NAV3: variants seen among roughly 807,000 people sequenced by gnomAD.
NAV3 encodes the protein neuron navigator 3.
NAV3 carries 87 observed loss-of-function variants against 244.7 expected under a neutral mutation model. The ratio of observed to expected loss-of-function variants is 0.36; its 90% CI spans 0.30 to 0.42. NAV3 has a LOEUF of 0.42. Ranked by LOEUF, NAV3 falls within the 20% of genes least tolerant of loss-of-function variation. The pLI is 1.00. For synonymous variants in NAV3, 1,126 were observed against 1,042.2 expected (o/e 1.08, Z -1.55); for missense variants, 2,663 against 2,893.3 (o/e 0.92, Z 1.83).
At chr12:77,777,891 C>T (rs547592081) in intron 2 of NAV3, among the ~76,000 whole-genome samples, 91 of 151,728 alleles carry the variant, frequency 6.0e-4, no homozygotes, top group Middle Eastern at 3.4e-3. Flanking sequence ...CTGCAACCTC[C>T]GCCTCCCAGG....
chr12:77,784,339 A>G (rs1429862618), intron 2 of NAV3, among the ~76,000 whole-genome samples: 2 of 152,192 alleles, frequency 1.3e-5, no homozygotes, highest in African/African-American at 4.8e-5. Context: ...GACTTCCATG[A>G]TATCTTTAAG....
chr12:77,961,482 T>G (rs1426831050), intron 3 of NAV3, among the ~76,000 whole-genome samples: 2 of 123,894 alleles, frequency 1.6e-5, no homozygotes, highest in Non-Finnish European at 3.2e-5. Flanking sequence ...ATCTATTACA[T>G]GTATGAGACA....
At chr12:78,156,092 T>C (rs1957294010) in intron 22 of NAV3, among the ~76,000 whole-genome samples, 1 of 152,164 alleles carries the variant, frequency 6.6e-6, no homozygotes, top group Non-Finnish European at 1.5e-5. Flanking sequence ...TGAATAATAT[T>C]GCCCAGATTT....
chr12:78,204,500 C>T (rs554861403), intron 38 of NAV3, among the ~76,000 whole-genome samples: 1 of 152,052 alleles, frequency 6.6e-6, no homozygotes, highest in Non-Finnish European at 1.5e-5. Flanking sequence ...AAATAAGTTA[C>T]TTTTATTTTA....
At chr12:77,762,942 T>C (rs1452086294) in intron 2 of NAV3, among the ~76,000 whole-genome samples, 5 of 152,230 alleles carry the variant, frequency 3.3e-5, no homozygotes, top group Admixed American at 6.5e-5. Context: ...TAATCACACA[T>C]GGATAACTTA....
chr12:78,129,140 GAAA>G lies in NAV3; in HGVS notation c.4441+277_4441+279del, dbSNP rs142164448. Among the ~76,000 whole-genome samples the G allele has an allele frequency of 7.0e-3, 1,061 of 152,232 alleles. 12 individuals are homozygous for G. The highest frequency in any genetic ancestry group is 0.024 in the African/African-American group (987 of 41,528). ...GAGGCTCAGAAAGTTCACTTGACTT[GAAA>G]AAGTCTTACCATTACTAAGGGTTCA... On this transcript the variant is annotated intron_variant, in intron 18 of 39. Transcript: ENST00000397909.
intron 6 of NAV3, among the ~76,000 whole-genome samples, chr12:77,996,613 G>A (rs1044599710): frequency 6.6e-6 from 1 of 151,744 alleles, no homozygotes; most frequent in Non-Finnish European, 1.5e-5. Flanking sequence ...TATTATAAAA[G>A]CACTTATATT....
chr12:78,192,251 C>A (rs1382868442), intron 34 of NAV3, among the ~76,000 whole-genome samples: 1 of 151,898 alleles, frequency 6.6e-6, no homozygotes, highest in Non-Finnish European at 1.5e-5. Flanking sequence ...AGAGTACAGG[C>A]TATTTGTGCC....
chr12:78,053,561 T>G (rs1883075631), intron 11 of NAV3, among the ~76,000 whole-genome samples: 1 of 152,164 alleles, frequency 6.6e-6, no homozygotes, highest in African/African-American at 2.4e-5. Context: ...GAAGCTTATC[T>G]AGTGCATATT....
chr12:77,827,512 T>C (rs1323647458), upstream of NAV3, among the ~76,000 whole-genome samples: 1 of 152,190 alleles, frequency 6.6e-6, no homozygotes, highest in Non-Finnish European at 1.5e-5. Context: ...AGAAGGTATT[T>C]CAAAGGTCAT....
intron 12 of NAV3, among the ~76,000 whole-genome samples, chr12:78,115,903 T>C (rs1955354337): frequency 6.6e-6 from 1 of 152,224 alleles, no homozygotes. Flanking sequence ...TCTCAAAACA[T>C]GTCCCTGTCA....
intron 2 of NAV3, among the ~76,000 whole-genome samples, chr12:77,726,361 A>C (rs1021673576): frequency 5.3e-5 from 8 of 151,938 alleles, no homozygotes; most frequent in Admixed American, 5.3e-4. Context: ...CACTTAACTT[A>C]TTTAAAAATA....
At chr12:77,911,496 A>C (rs1886584334) in intron 1 of NAV3, among the ~76,000 whole-genome samples, 2 of 152,128 alleles carry the variant, frequency 1.3e-5, no homozygotes. Context: ...GTTTATTGTC[A>C]ATGCAAGAAT....
chr12:78,010,091 A>T (rs1444251208), intron 8 of NAV3, among the ~76,000 whole-genome samples: 2 of 152,178 alleles, frequency 1.3e-5, no homozygotes, highest in Non-Finnish European at 2.9e-5. Flanking sequence ...AAAATTTCAC[A>T]TTGAAGTCTA....
At chr12:77,705,176 T>C (rs11832041) in intron 2 of NAV3, among the ~76,000 whole-genome samples, 3,739 of 152,170 alleles carry the variant, frequency 0.025, 90 homozygotes, top group African/African-American at 0.06. Flanking sequence ...CCCAGCACTT[T>C]GGGAGGCCAA....
At chr12:78,024,590 G>C (rs1382219988) in intron 9 of NAV3, among the ~76,000 whole-genome samples, 2 of 152,184 alleles carry the variant, frequency 1.3e-5, no homozygotes, top group African/African-American at 4.8e-5. Flanking sequence ...CTTTTACTTA[G>C]ATTACTCTCT....
At chr12:77,819,809 G>A (rs1352640312) in intron 2 of NAV3, among the ~76,000 whole-genome samples, 2 of 151,948 alleles carry the variant, frequency 1.3e-5, no homozygotes, top group Non-Finnish European at 2.9e-5. Flanking sequence ...CAATTCTCAT[G>A]GTCCACACAT....
At position 78,183,038 on chromosome 12, in the gene NAV3, C is replaced by G. The variant is rs1266077148; in HGVS notation, c.5692+1993C>G. Among the ~76,000 whole-genome samples, 4 of 151,956 alleles carry G rather than the reference C, an allele frequency of 2.6e-5. No individual in the cohort carries two copies. The Admixed American group carries it at 2.6e-4, about 10-fold the overall frequency. ...GCATGTTCCTTGCATCCAGTAAAGACAGACATTTCAGAAGTCTTCAGTTTT... is the reference window on the plus strand; with the variant it reads ...GCATGTTCCTTGCATCCAGTAAAGAGAGACATTTCAGAAGTCTTCAGTTTT... On this transcript the variant is annotated intron_variant, in intron 30 of 39. Coordinates refer to ENST00000397909, the MANE Select transcript of NAV3 (RefSeq NM_001024383.2).
intron 2 of NAV3, among the ~76,000 whole-genome samples, chr12:77,821,752 A>C (rs190227886): frequency 3.3e-5 from 5 of 152,310 alleles, no homozygotes; most frequent in African/African-American, 1.2e-4. Context: ...ACATTGTTAC[A>C]TCTCAACATT....
Sources: gnomAD v4.1 joint callset for allele counts (sites outside exome capture counted in the v4.1 genomes callset) on GRCh38, gnomAD v4.1.1 for gene constraint, MANE v1.5 for transcripts, NCBI Gene and HGNC (gene_info 2026-07-23, HGNC 2026-07-21) for gene names.